Variants in MECOM observed in about 807,000 individuals in gnomAD.
MECOM encodes MDS1 and EVI1 complex locus, also known as histone-lysine N-methyltransferase MECOM.
Under a neutral mutation model 116.3 loss-of-function variants are expected in MECOM, and 13 were observed. The observed-to-expected ratio is 0.11, with a 90% CI of 0.07 to 0.18. The LOEUF is 0.18. MECOM is among the 10% of genes least tolerant of loss of function. MECOM has a pLI of 1.00. For missense variants in MECOM, 1,299 were observed against 1,509.0 expected (o/e 0.86, Z 2.31); for synonymous variants, 528 against 535.2 (o/e 0.99, Z 0.19).
intron 2 of MECOM, among the ~76,000 whole-genome samples, chr3:169,165,637 T>C (rs917088638): frequency 2.0e-5 from 3 of 152,194 alleles, no homozygotes; most frequent in African/African-American, 7.2e-5. Context: ...AGGCATAATG[T>C]TAAATGTTCA....
At chr3:169,359,971 G>A (rs1372753916) in intron 2 of MECOM, among the ~76,000 whole-genome samples, 1 of 151,638 alleles carries the variant, frequency 6.6e-6, no homozygotes, top group African/African-American at 2.4e-5. Flanking sequence ...AGTCTTAATG[G>A]TTAGGAGAAT....
intron 2 of MECOM, among the ~76,000 whole-genome samples, chr3:169,321,379 T>C (rs1720826673): frequency 6.6e-6 from 1 of 151,860 alleles, no homozygotes; most frequent in Admixed American, 6.6e-5. Flanking sequence ...GTCTCTACTA[T>C]AAATCCCAAA....
intron 1 of MECOM, among the ~76,000 whole-genome samples, chr3:169,402,789 T>C (rs1040664005): frequency 6.6e-6 from 1 of 152,210 alleles, no homozygotes; most frequent in Non-Finnish European, 1.5e-5. Flanking sequence ...ATCACCCTTA[T>C]GTTCCTACAC....
intron 1 of MECOM, among the ~76,000 whole-genome samples, chr3:169,603,741 A>G (rs1179235812): frequency 1.3e-5 from 2 of 152,216 alleles, no homozygotes; most frequent in Non-Finnish European, 2.9e-5. Context: ...ATACGGCTTC[A>G]ATGTGCAATA....
At chr3:169,143,103 C>T (rs1250202669) in intron 3 of MECOM, among the ~76,000 whole-genome samples, 1 of 151,926 alleles carries the variant, frequency 6.6e-6, no homozygotes, top group East Asian at 1.9e-4. Context: ...TTAAAGTCAA[C>T]CTCACTGCAT....
intron 2 of MECOM, among the ~76,000 whole-genome samples, chr3:169,337,799 T>A (rs1206597267): frequency 6.6e-6 from 1 of 152,186 alleles, no homozygotes; most frequent in East Asian, 1.9e-4. Flanking sequence ...CACAAATAGA[T>A]GTGAAAAGAT....
At chr3:169,394,457 G>C (rs1245363447) in intron 1 of MECOM, among the ~76,000 whole-genome samples, 1 of 152,150 alleles carries the variant, frequency 6.6e-6, no homozygotes, top group Non-Finnish European at 1.5e-5. Context: ...TGAAGTGAAT[G>C]CTGGCTAGAA....
In MECOM at chr3:169,663,524, CTCTCT is replaced by C. The variant is rs1776614393; in HGVS notation, c.-157_-153del. On this transcript the variant is annotated 5_prime_UTR_variant, in exon 1 of 17. Coordinates refer to ENST00000651503, the MANE Select transcript of MECOM (RefSeq NM_004991.4). Reference sequence around the variant, plus strand: ...TCTCTCTCTCTCTCTCTCTCTCTCTCTCTCTCCCTCCCTCCTGTTTCTCTCCTGTT... The same window carrying C: ...TCTCTCTCTCTCTCTCTCTCTCTCTCCCCTCCCTCCTGTTTCTCTCCTGTT... 13 of 644,384 alleles carry C rather than the reference CTCTCT, an allele frequency of 2.0e-5. No individual in the cohort carries two copies. The highest frequency in any genetic ancestry group is 5.7e-5 in the South Asian group (3 of 52,200). 39.9% of individuals were successfully genotyped at this position (644,384 alleles called of 1,614,324 possible).
intron 1 of MECOM, among the ~76,000 whole-genome samples, chr3:169,643,994 G>A (rs894833128): frequency 6.6e-6 from 1 of 151,980 alleles, no homozygotes; most frequent in African/African-American, 2.4e-5. Flanking sequence ...TCACCCCCTC[G>A]TACGCATTGC....
At chr3:169,139,347 G>A (rs1044160267) in intron 3 of MECOM, among the ~76,000 whole-genome samples, 22 of 151,982 alleles carry the variant, frequency 1.4e-4, no homozygotes, top group Admixed American at 6.6e-4. Flanking sequence ...AATGTCTTGG[G>A]TTTCTGAGAA....
At chr3:169,484,851 C>G (rs1233058650) in intron 1 of MECOM, among the ~76,000 whole-genome samples, 1 of 120,466 alleles carries the variant, frequency 8.3e-6, no homozygotes, top group Non-Finnish European at 1.7e-5. Flanking sequence ...CATACCAGCT[C>G]AGATATATCA....
rs79748068 is a variant in MECOM at position 169,222,936 on chromosome 3, A to G, written c.376-79104T>C. ...GTGCCTTCTTTCATGGAACAATTAGATTTTTTTCACATTTTCTAAAAGAAA... is the reference window on the plus strand; with the variant it reads ...GTGCCTTCTTTCATGGAACAATTAGGTTTTTTTCACATTTTCTAAAAGAAA... On this transcript the variant is annotated intron_variant, in intron 2 of 16. Transcript: ENST00000651503. Among the ~76,000 whole-genome samples, 183 of 152,160 alleles carry G rather than the reference A, an allele frequency of 1.2e-3. 2 individuals are homozygous for G. In the East Asian group the frequency reaches 0.034, roughly 29 times the overall value.
chr3:169,440,179 T>C (rs1317464919), intron 1 of MECOM, among the ~76,000 whole-genome samples: 1 of 148,498 alleles, frequency 6.7e-6, no homozygotes, highest in Non-Finnish European at 1.5e-5. Context: ...ATTCCATTAC[T>C]TCTACATATA....
chr3:169,639,484 G>A lies in MECOM; in HGVS notation c.37+23852C>T, dbSNP rs147951728. 4.2e-3 allele frequency among the ~76,000 whole-genome samples: 634 copies of A among 152,258 alleles called. 5 individuals carry two copies. Among genetic ancestry groups the A allele is most frequent in the Non-Finnish European group, 6.3e-3 (428 of 68,018 alleles). On this transcript the variant is annotated intron_variant, in intron 1 of 16. Transcript: ENST00000651503. ...TGAAGCCAACACACAAGAAAGAAGG[G>A]CCAAGAGAAACATTAAGAATAATAG... is the stretch of plus-strand genomic sequence containing the variant.
At chr3:169,658,870 G>A (rs1156911820) in intron 1 of MECOM, among the ~76,000 whole-genome samples, 1 of 152,090 alleles carries the variant, frequency 6.6e-6, no homozygotes, top group African/African-American at 2.4e-5. Flanking sequence ...GGGGTGCCGG[G>A]AGAGAGGGGG....
intron 2 of MECOM, among the ~76,000 whole-genome samples, chr3:169,266,388 A>G (rs1377177580): frequency 2.0e-5 from 3 of 152,216 alleles, no homozygotes; most frequent in Admixed American, 6.5e-5. Context: ...TGCAATTTCA[A>G]GTGTTTGAAA....
At chr3:169,237,488 TA>T (rs989269616) in intron 2 of MECOM, among the ~76,000 whole-genome samples, 4 of 152,026 alleles carry the variant, frequency 2.6e-5, no homozygotes, top group Admixed American at 6.5e-5. Flanking sequence ...TTATTATTTT[TA>T]TAGAACTTGT....
intron 1 of MECOM, among the ~76,000 whole-genome samples, chr3:169,595,643 T>C (rs1287785248): frequency 1.3e-5 from 2 of 152,094 alleles, no homozygotes; most frequent in Admixed American, 6.5e-5. Context: ...TTTACAGGGG[T>C]TGTCATAAAT....
At chr3:169,173,584 A>C (rs1366226046) in intron 2 of MECOM, among the ~76,000 whole-genome samples, 1 of 152,172 alleles carries the variant, frequency 6.6e-6, no homozygotes, top group Non-Finnish European at 1.5e-5. Context: ...TCCCAAATCC[A>C]GCCAATCCTC....
Sources: gnomAD v4.1 joint callset for allele counts (sites outside exome capture counted in the v4.1 genomes callset) on GRCh38, gnomAD v4.1.1 for gene constraint, MANE v1.5 for transcripts, NCBI Gene and HGNC (gene_info 2026-07-23, HGNC 2026-07-21) for gene names.